The following SPARCL1 variants were observed in gnomAD, a reference collection of about 807,000 sequenced individuals.
SPARCL1 encodes SPARC-like protein 1.
Under a neutral mutation model 67.1 loss-of-function variants are expected in SPARCL1, and 52 were observed. The observed-to-expected ratio is 0.78, with a 90% CI of 0.62 to 0.98. The LOEUF (loss-of-function observed/expected upper bound fraction) is 0.98, where lower values mean the gene tolerates loss of function less well. SPARCL1 is among the 50% of genes least tolerant of loss of function. The pLI is 0.00. For synonymous variants in SPARCL1, 226 were observed against 267.8 expected, an observed-to-expected ratio of 0.84 and a Z score of 1.52; for missense variants, 717 against 782.4, an observed-to-expected ratio of 0.92 and a Z score of 1.00.
intron 1 of SPARCL1, among the ~76,000 whole-genome samples, chr4:87,501,596 C>G (rs1724851768): frequency 6.6e-6 from 1 of 151,738 alleles, no homozygotes; most frequent in South Asian, 2.1e-4. Context: ...GAGTTTTTCC[C>G]CAATGTTTTT....
At chr4:87,482,287 G>T in intron 8 of SPARCL1, 137 bp downstream of exon 8, 1 of 840,194 alleles carries the variant, frequency 1.2e-6, no homozygotes, top group Non-Finnish European at 1.8e-6. Flanking sequence ...ATTCTGTTAA[G>T]CCACATGGGC....
chr4:87,503,116 GA>G (rs939793317), intron 1 of SPARCL1, among the ~76,000 whole-genome samples: 1 of 152,210 alleles, frequency 6.6e-6, no homozygotes, highest in African/African-American at 2.4e-5. Context: ...CAGAGCCAGA[GA>G]ATAAGCTTTT....
Position 87,494,608 on chromosome 4 carries a change from A to G in SPARCL1, c.202-10T>C. The G allele has an allele frequency of 1.3e-6, 2 of 1,556,214 alleles. No homozygotes were observed. On this transcript the variant is annotated splice_polypyrimidine_tract_variant and intron_variant, in intron 3 of 10. Transcript: ENST00000282470. ...CTGATGATTTTTCAGCCTTAAAAGA[A>G]AAAAAAGTTCATTCTTCAAACAAAT... is the stretch of plus-strand genomic sequence containing the variant.
At chr4:87,491,491 T>C (rs924855908) in intron 5 of SPARCL1, 127 bp downstream of exon 5, 22 of 776,026 alleles carry the variant, frequency 2.8e-5, no homozygotes, top group Non-Finnish European at 4.4e-5. Context: ...GAGCATTTCC[T>C]TGGGGAGGAC....
Position 87,494,591 on chromosome 4 carries a change from T to G in SPARCL1, c.209A>C (p.Lys70Thr), listed in dbSNP as rs1165815942. 2 of 1,570,466 alleles carry G rather than the reference T, an allele frequency of 1.3e-6. No individual in the cohort carries two copies. Among genetic ancestry groups the G allele is most frequent in the South Asian group, 2.4e-5 (2 of 83,898 alleles). The change falls in exon 4 of 11, where the codon AAA becomes ACA. Residue 70 changes from lysine (K) to threonine (T), a missense_variant. Physicochemically the swap from Lys to Thr is moderately conservative, Grantham distance 78. Transcript: ENST00000282470. ...TEDDSHHKAE[K>T]SSVLKSKEES... ...CTCTTTTGACTTTAGTACTGATGATTTTTCAGCCTTAAAAGAAAAAAAAGT... is the reference window on the plus strand; with the variant it reads ...CTCTTTTGACTTTAGTACTGATGATGTTTCAGCCTTAAAAGAAAAAAAAGT...
intron 1 of SPARCL1, among the ~76,000 whole-genome samples, chr4:87,509,265 A>G (rs1301735077): frequency 1.3e-5 from 2 of 152,106 alleles, no homozygotes; most frequent in East Asian, 3.8e-4. Flanking sequence ...CATATTCTTT[A>G]AACCTTCTGA....
intron 1 of SPARCL1, among the ~76,000 whole-genome samples, chr4:87,501,149 G>A (rs920164530): frequency 6.6e-6 from 1 of 152,046 alleles, no homozygotes; most frequent in Non-Finnish European, 1.5e-5. Context: ...GAAATCCCTC[G>A]TGTCCATTTC....
chr4:87,524,296 A>G (rs1158876071), intron 1 of SPARCL1, among the ~76,000 whole-genome samples: 2 of 152,154 alleles, frequency 1.3e-5, no homozygotes, highest in Non-Finnish European at 2.9e-5. Context: ...TGAGGCCTCT[A>G]TTCATTATAT....
intron 8 of SPARCL1, among the ~76,000 whole-genome samples, chr4:87,481,968 A>G (rs1422722207): frequency 1.3e-5 from 2 of 152,184 alleles, no homozygotes; most frequent in Admixed American, 6.5e-5. Flanking sequence ...CTGGTGAATG[A>G]ATTTTCTCTG....
Position 87,494,271 on chromosome 4 carries a change from T to C in SPARCL1, c.529A>G (p.Arg177Gly), listed in dbSNP as rs1189978828. 6.2e-7 allele frequency: 1 copy of C among 1,614,138 alleles called. No homozygotes were observed. The highest frequency in any genetic ancestry group is 1.1e-5 in the South Asian group (1 of 91,076). ...AGGCCTTGGCTATGTTTACTGCTCC[T>C]GTTCAACTGATGATGTGAATAATTT... ...PRNYSHHQLN[R>G]SSKHSQGLRD... The change falls in exon 4 of 11, where the codon AGG (arginine) becomes GGG (glycine). Residue 177 changes from arginine (R) to glycine (G), a missense_variant. Arg to Gly is a moderately radical substitution (Grantham distance 125, BLOSUM62 -2). Transcript: ENST00000282470.
In SPARCL1 at chr4:87,495,024, T is replaced by C. The variant is rs1407455799; in HGVS notation, c.158A>G (p.Glu53Gly). ...TTCTGTGGATACTGCTGTTTCTTTT[T>C]CATTTTCTTCAGCTTCAGCCCTTAA... is the stretch of plus-strand genomic sequence containing the variant. ...PSLRAEAEEN[E>G]KETAVSTEDD... The change falls in exon 3 of 11, where the codon GAA becomes GGA. Residue 53 changes from glutamate (E) to glycine (G), a missense_variant. Glu to Gly is a moderately conservative substitution (Grantham distance 98, BLOSUM62 -2). Transcript: ENST00000282470. 1.2e-6 allele frequency: 2 copies of C among 1,612,892 alleles called. No individual in the cohort carries two copies. Among genetic ancestry groups the C allele is most frequent in the Admixed American group, 3.3e-5 (2 of 59,742 alleles).
intron 5 of SPARCL1, 43 bp downstream of exon 5, chr4:87,491,575 T>C (rs749465375): frequency 4.7e-6 from 7 of 1,495,448 alleles, no homozygotes; most frequent in Non-Finnish European, 9.3e-7. Context: ...ATTCCATTTC[T>C]TCCTTGATAT....
intron 1 of SPARCL1, among the ~76,000 whole-genome samples, chr4:87,504,182 T>TGTG (rs1553970321): frequency 1.9e-4 from 4 of 21,060 alleles, no homozygotes; most frequent in Admixed American, 7.8e-4. Flanking sequence ...TGTGTGTGTG[T>TGTG]GGTGGGGTGG....
intron 8 of SPARCL1, among the ~76,000 whole-genome samples, chr4:87,481,310 T>G (rs1002959157): frequency 2.0e-5 from 3 of 152,170 alleles, no homozygotes; most frequent in African/African-American, 7.2e-5. Flanking sequence ...TAACATTTCC[T>G]TCTTGACTGG....
chr4:87,482,585 T>A (rs1300597279), intron 7 of SPARCL1, 25 bp from the exon 8 acceptor site: 1 of 1,613,364 alleles, frequency 6.2e-7, no homozygotes. Flanking sequence ...AAATGTACTG[T>A]AATCTTTGGG....
Position 87,473,558 on chromosome 4 carries a change from T to C in SPARCL1, c.*217A>G. On this transcript the variant is annotated 3_prime_UTR_variant, in exon 11 of 11. Coordinates refer to ENST00000282470, the MANE Select transcript of SPARCL1 (RefSeq NM_004684.6). ...CTTCTGTTCACAATGTACAGTATTT[T>C]GCATATGTTGACTTTACTTAATTGT... 1 of 437,206 alleles carries C rather than the reference T, an allele frequency of 2.3e-6. No individual in the cohort carries two copies. Among genetic ancestry groups the C allele is most frequent in the East Asian group, 3.6e-5 (1 of 27,548 alleles). The allele number at this position is 437,206 out of a possible 1,614,324, so 27.1% of individuals were successfully genotyped here. A position where few individuals can be genotyped will look rare whatever the true frequency, so the allele number is the denominator to read the frequency against.
chr4:87,521,171 GT>G (rs1052873500), intron 1 of SPARCL1, among the ~76,000 whole-genome samples: 13 of 152,046 alleles, frequency 8.6e-5, no homozygotes, highest in African/African-American at 3.1e-4. Flanking sequence ...AGTTCCTATA[GT>G]TTTTTAGAAC....
At chr4:87,525,326 A>G (rs1230977770) in intron 1 of SPARCL1, among the ~76,000 whole-genome samples, 3 of 152,140 alleles carry the variant, frequency 2.0e-5, no homozygotes, top group Non-Finnish European at 4.4e-5. Flanking sequence ...TGACAATTTT[A>G]TGACTGTTAT....
At chr4:87,483,083 G>GTTT (rs35089335) in intron 7 of SPARCL1, among the ~76,000 whole-genome samples, 1 of 143,984 alleles carries the variant, frequency 6.9e-6, no homozygotes, top group East Asian at 2.1e-4. Flanking sequence ...GATCACTGCC[G>GTTT]TTTTTTTTTT....
Sources: allele counts gnomAD v4.1 joint callset (sites outside exome capture counted in the v4.1 genomes callset), GRCh38; gene constraint gnomAD v4.1.1; transcripts MANE v1.5; gene names NCBI Gene and HGNC (gene_info 2026-07-23, HGNC 2026-07-21).